DNAH14: variants seen among roughly 807,000 people sequenced by gnomAD.
DNAH14 encodes axonemal beta dynein heavy chain 14.
A neutral mutation model predicts 520.9 loss-of-function variants in DNAH14; 478 were observed. The observed-to-expected ratio is 0.92, with a 90% CI of 0.85 to 0.99. The LOEUF is 0.99. Among genes scored for constraint, DNAH14 ranks in the 50% least tolerant of loss-of-function variants. The probability of loss-of-function intolerance (pLI) is 0.00; values close to 1 mark genes in which losing one functional copy is unlikely to be tolerated. For missense variants in DNAH14, 4,831 were observed against 5,234.5 expected (o/e 0.92, Z 2.38); for synonymous variants, 1,581 against 1,757.2 (o/e 0.90, Z 2.51).
At chr1:225,222,310 T>C (rs538782180) in intron 41 of DNAH14, among the ~76,000 whole-genome samples, 123 of 152,284 alleles carry the variant, frequency 8.1e-4, no homozygotes, top group African/African-American at 2.9e-3. Flanking sequence ...ACAGCAACAG[T>C]ATATAAATGT....
At chr1:225,100,609 A>ATAC in intron 22 of DNAH14, 104 bp from the exon 23 acceptor site, 1 of 933,940 alleles carries the variant, frequency 1.1e-6, no homozygotes, top group Non-Finnish European at 1.5e-6. Flanking sequence ...TTAACATCAA[A>ATAC]TGTTTTATAA....
At chr1:225,396,217 G>A (rs1461926723) in intron 84 of DNAH14, 1 of 152,136 alleles carries the variant, frequency 6.6e-6, no homozygotes, top group Non-Finnish European at 1.5e-5. Context: ...ATGTGTTTTC[G>A]ACTGGAGGTT....
At chr1:225,275,861 A>G (rs2093454324) in intron 52 of DNAH14, 53 bp from the exon 53 acceptor site, 1 of 238,072 alleles carries the variant, frequency 4.2e-6, no homozygotes, top group South Asian at 5.7e-5. Flanking sequence ...AGTTTTGATA[A>G]CAAGTAGAAT....
chr1:225,389,474 G>C (rs369025693), intron 82 of DNAH14, among the ~76,000 whole-genome samples: 1 of 152,204 alleles, frequency 6.6e-6, no homozygotes, highest in Non-Finnish European at 1.5e-5. Context: ...AAGATTCTGC[G>C]AGGCGCAGGC....
At chr1:225,390,406 C>T (rs376725598) in intron 83 of DNAH14, among the ~76,000 whole-genome samples, 14 of 152,198 alleles carry the variant, frequency 9.2e-5, no homozygotes, top group Admixed American at 2.6e-4. Flanking sequence ...AAAGGGGTGA[C>T]GCTGGGCTGT....
In DNAH14 at chr1:225,221,396, G is replaced by A. The variant is rs1348231021; in HGVS notation, c.6440-9677G>A. 2.0e-5 allele frequency among the ~76,000 whole-genome samples: 3 copies of A among 152,164 alleles called. No homozygotes were observed. The East Asian group carries it at 5.8e-4, about 29-fold the overall frequency. ...ACCTACAGATTGGGAGAAAACATTT[G>A]CAATCTGTGCCTCTGACAAAGGGCT... On this transcript the variant is annotated intron_variant, in intron 41 of 85. Transcript: ENST00000682510.
At chr1:225,163,044 G>T (rs1440390054) in intron 35 of DNAH14, among the ~76,000 whole-genome samples, 3 of 150,678 alleles carry the variant, frequency 2.0e-5, no homozygotes, top group African/African-American at 7.3e-5. Context: ...AGGATGAGGT[G>T]GGAGAATCGC....
intron 41 of DNAH14, among the ~76,000 whole-genome samples, chr1:225,225,833 A>T (rs1418055587): frequency 6.6e-6 from 1 of 152,098 alleles, no homozygotes; most frequent in East Asian, 1.9e-4. Context: ...TTCCAGCACA[A>T]TGCATAAAAC....
intron 27 of DNAH14, among the ~76,000 whole-genome samples, chr1:225,126,340 G>C (rs1249598914): frequency 6.6e-6 from 1 of 152,126 alleles, no homozygotes; most frequent in East Asian, 1.9e-4. Flanking sequence ...TCTGGTCCTG[G>C]ACTCCTTTTG....
intron 68 of DNAH14, among the ~76,000 whole-genome samples, chr1:225,339,202 A>G (rs1057158669): frequency 6.6e-6 from 1 of 151,496 alleles, no homozygotes; most frequent in Non-Finnish European, 1.5e-5. Context: ...TCCCAGCTAC[A>G]TGGGAGGCTG....
intron 17 of DNAH14, among the ~76,000 whole-genome samples, chr1:225,055,220 G>A (rs2501062): frequency 0.91 from 139,030 of 152,172 alleles, 64,764 homozygotes; most frequent in East Asian, 1. Context: ...CCTCATGCCA[G>A]TAAAATGAGA....
intron 38 of DNAH14, among the ~76,000 whole-genome samples, chr1:225,201,990 C>T (rs879884367): frequency 2.6e-5 from 4 of 151,640 alleles, no homozygotes; most frequent in Non-Finnish European, 4.4e-5. Context: ...ATTCTCCTGC[C>T]TCAGCCTCCC....
intron 10 of DNAH14, among the ~76,000 whole-genome samples, chr1:225,008,377 A>G (rs1195505762): frequency 6.6e-6 from 1 of 152,166 alleles, no homozygotes; most frequent in African/African-American, 2.4e-5. Flanking sequence ...TAGTGCTGCA[A>G]TAAACATACG....
At chr1:225,010,986 TTTC>T (rs767124532) in intron 10 of DNAH14, among the ~76,000 whole-genome samples, 1 of 152,188 alleles carries the variant, frequency 6.6e-6, no homozygotes, top group Non-Finnish European at 1.5e-5. Flanking sequence ...TCTTCTCTCT[TTTC>T]TTCTTTATCA....
intron 1 of DNAH14, among the ~76,000 whole-genome samples, chr1:224,933,436 A>G (rs898166128): frequency 6.6e-6 from 1 of 151,956 alleles, no homozygotes; most frequent in African/African-American, 2.4e-5. Context: ...TCTGGCCTGA[A>G]TGTTCTGGCT....
Position 225,185,318 on chromosome 1 carries a change from C to G in DNAH14, c.5563C>G (p.Pro1855Ala). 1 of 1,543,710 alleles carries G rather than the reference C, an allele frequency of 6.5e-7. No homozygotes were observed. Among genetic ancestry groups the G allele is most frequent in the Non-Finnish European group, 8.7e-7 (1 of 1,144,084 alleles). ...TTGTGTTGGTGTGATGTTAGTGGGC[C>G]CAACAGGTGGAGGAAAGACAACAGT... ...QVCVGVMLVG[P>A]TGGGKTTVRR... Residue 1855 changes from proline to alanine, a missense_variant, in exon 37 of 86, where the codon CCA becomes GCA. Physicochemically the swap from Pro to Ala is conservative, Grantham distance 27 (BLOSUM62 -1). Transcript: ENST00000682510.
rs6669427 is a variant in DNAH14, at chr1:224,985,380, G to A, written c.830+11227G>A. ...AACTCAGGAATGGAAAACTAAACAT[G>A]GTATGTTCTCACTGATATATGGGAG... On this transcript the variant is annotated intron_variant, in intron 8 of 85. Transcript: ENST00000682510. 5.0e-3 allele frequency among the ~76,000 whole-genome samples: 765 copies of A among 152,188 alleles called. 6 individuals carry two copies. The highest frequency in any genetic ancestry group is 0.017 in the African/African-American group (722 of 41,542).
rs1213383784 is a variant in DNAH14 at position 225,144,438 on chromosome 1, A to C, written c.4550A>C (p.Tyr1517Ser). The C allele has an allele frequency of 1.9e-6, 3 of 1,551,538 alleles. No homozygotes were observed. Among genetic ancestry groups the C allele is most frequent in the South Asian group, 2.4e-5 (2 of 84,058 alleles). The change falls in exon 29 of 86, where the codon TAT becomes TCT. Residue 1517 changes from tyrosine (Y) to serine (S), a missense_variant. Transcript: ENST00000682510. ...TGGAATGAAAAACAAAAGTTGTGCT[A>C]TGTGTCTCAAGGAAATGCCAGCTTT... ...YKWNEKQKLCYVSQGNASFTY... is the reference protein window; with the variant it reads ...YKWNEKQKLCSVSQGNASFTY...
intron 38 of DNAH14, among the ~76,000 whole-genome samples, chr1:225,203,866 TTGTC>T (rs928301434): frequency 1.4e-4 from 22 of 152,208 alleles, no homozygotes; most frequent in African/African-American, 5.1e-4. Flanking sequence ...TGTATGGTGA[TTGTC>T]TGTGGGTAAT....
Sources: allele counts gnomAD v4.1 joint callset (sites outside exome capture counted in the v4.1 genomes callset), GRCh38; gene constraint gnomAD v4.1.1; transcripts MANE v1.5; gene names NCBI Gene and HGNC (gene_info 2026-07-23, HGNC 2026-07-21).